The following BMPR2 variants were observed in gnomAD, a reference collection of about 807,000 sequenced individuals.
BMPR2 encodes bone morphogenetic protein receptor type-2.
In BMPR2, 29 loss-of-function variants were observed where a neutral mutation model predicts 100.8. The observed-to-expected ratio is 0.29, with a 90% confidence interval of 0.21 to 0.39. The LOEUF is 0.39. Ranked by LOEUF, BMPR2 falls within the 10% of genes least tolerant of loss-of-function variation. The probability of loss-of-function intolerance (pLI) is 1.00; values close to 1 mark genes in which losing one functional copy is unlikely to be tolerated. For synonymous variants in BMPR2, 382 were observed against 442.3 expected (o/e 0.86, Z 1.71); for missense variants, 1,011 against 1,274.5 (o/e 0.79, Z 3.15).
chr2:202,537,392 TAAAG>T (rs1220625993), intron 9 of BMPR2, among the ~76,000 whole-genome samples: 1 of 152,194 alleles, frequency 6.6e-6, no homozygotes, highest in Non-Finnish European at 1.5e-5. Flanking sequence ...TGATAAATAA[TAAAG>T]AATGATATTA....
chr2:202,380,482 G>A (rs940887513), intron 1 of BMPR2, among the ~76,000 whole-genome samples: 2 of 151,998 alleles, frequency 1.3e-5, no homozygotes, highest in Non-Finnish European at 2.9e-5. Context: ...ATTACCTGGG[G>A]TTCTTGATAA....
intron 1 of BMPR2, among the ~76,000 whole-genome samples, chr2:202,405,687 CAAAAA>C (rs397987374): frequency 5.0e-4 from 31 of 62,296 alleles, no homozygotes; most frequent in African/African-American, 1.3e-3. Flanking sequence ...GACTCCGCCT[CAAAAA>C]AAAAAAAAAA....
chr2:202,500,062 G>C (rs13002564), intron 3 of BMPR2, among the ~76,000 whole-genome samples: 498 of 152,288 alleles, frequency 3.3e-3, no homozygotes, highest in Admixed American at 5.8e-3. Context: ...GGGTCAGAAG[G>C]CCCAACCAGA....
Position 202,530,915 on chromosome 2 carries a change from G to T in BMPR2, c.1089G>T (p.Leu363=). Residue 363 remains leucine, a synonymous_variant, in exon 8 of 13, where the codon CTG becomes CTT. Transcript: ENST00000374580. ...GLSMRLTGNR[L]VRPGEEDNAA... is the part of the protein sequence containing the mutation. ...CCATGAGGCTGACTGGAAATAGACT[G>T]GTGCGCCCAGGGGAGGAAGATAATG... 6.2e-7 allele frequency: 1 copy of T among 1,614,114 alleles called. No individual in the cohort carries two copies. The highest frequency in any genetic ancestry group is 8.5e-7 in the Non-Finnish European group (1 of 1,180,012).
chr2:202,427,292 T>G lies in BMPR2; in HGVS notation c.77-37517T>G, dbSNP rs747648354. ...AGAGGATTGCTTAGGCCCGGGAGAT[T>G]GAGACCTCAGTGAGCTGAGATCGCG... On this transcript the variant is annotated intron_variant, in intron 1 of 12. Transcript: ENST00000374580. 8.8e-5 allele frequency among the ~76,000 whole-genome samples: 13 copies of G among 147,822 alleles called. No homozygotes were observed. The South Asian group carries it at 1.7e-3, about 19-fold the overall frequency.
intron 1 of BMPR2, among the ~76,000 whole-genome samples, chr2:202,394,364 GTAATAA>G (rs71031896): frequency 7.4e-5 from 11 of 149,612 alleles, no homozygotes; most frequent in East Asian, 1.9e-4. Context: ...AAAAAAAAAA[GTAATAA>G]TAATAATAAT....
At chr2:202,552,912 T>TC in intron 11 of BMPR2, 24 bp downstream of exon 11, 1 of 1,613,840 alleles carries the variant, frequency 6.2e-7, no homozygotes, top group Non-Finnish European at 8.5e-7. Flanking sequence ...GGGTGTGGCA[T>TC]CTATCAATCA....
At chr2:202,451,296 A>C (rs1691974826) in intron 1 of BMPR2, among the ~76,000 whole-genome samples, 2 of 152,342 alleles carry the variant, frequency 1.3e-5, no homozygotes, top group South Asian at 2.1e-4. Context: ...AACACGAATG[A>C]AAAATATTTA....
intron 10 of BMPR2, among the ~76,000 whole-genome samples, chr2:202,544,089 G>C (rs1194564486): frequency 6.6e-6 from 1 of 151,870 alleles, no homozygotes; most frequent in Non-Finnish European, 1.5e-5. Context: ...TTGCAGCGAG[G>C]CGAGATCGTG....
At chr2:202,378,939 G>A (rs909102764) in intron 1 of BMPR2, among the ~76,000 whole-genome samples, 1 of 152,086 alleles carries the variant, frequency 6.6e-6, no homozygotes, top group Admixed American at 6.6e-5. Flanking sequence ...AACCTTTTTA[G>A]AATATAGATT....
intron 3 of BMPR2, among the ~76,000 whole-genome samples, chr2:202,493,089 G>A (rs868060038): frequency 2.6e-4 from 39 of 152,168 alleles, no homozygotes; most frequent in African/African-American, 8.7e-4. Flanking sequence ...GAAAATTGAC[G>A]AGGGATCTTT....
chr2:202,393,463 T>A (rs868101681), intron 1 of BMPR2, among the ~76,000 whole-genome samples: 59 of 152,210 alleles, frequency 3.9e-4, no homozygotes, highest in Admixed American at 2.0e-3. Context: ...AATTTAAAAA[T>A]ATATATATTT....
chr2:202,557,913 C>T (rs1201280484), intron 12 of BMPR2, among the ~76,000 whole-genome samples: 16 of 152,054 alleles, frequency 1.1e-4, no homozygotes, highest in Admixed American at 1.0e-3. Context: ...CCAGTATAAT[C>T]TTTGAAACAT....
intron 3 of BMPR2, among the ~76,000 whole-genome samples, chr2:202,490,763 T>C (rs1199074907): frequency 6.6e-6 from 1 of 152,128 alleles, no homozygotes; most frequent in Non-Finnish European, 1.5e-5. Flanking sequence ...AGAGTAGGAT[T>C]AGGGAAAAGA....
chr2:202,483,884 GA>G (rs1020146530), intron 3 of BMPR2, among the ~76,000 whole-genome samples: 1 of 152,166 alleles, frequency 6.6e-6, no homozygotes, highest in African/African-American at 2.4e-5. Flanking sequence ...TTGATGCCAG[GA>G]ACTTGAGACC....
chr2:202,392,214 C>A (rs1017970791), intron 1 of BMPR2, among the ~76,000 whole-genome samples: 6 of 151,970 alleles, frequency 3.9e-5, no homozygotes, highest in African/African-American at 4.8e-5. Context: ...GGGATTAAAG[C>A]GCCTGCCATC....
intron 4 of BMPR2, among the ~76,000 whole-genome samples, chr2:202,514,195 G>T (rs1432353255): frequency 1.3e-5 from 2 of 152,004 alleles, no homozygotes. Context: ...GAGTGCAGTG[G>T]CGCGATCTCG....
In BMPR2 at chr2:202,564,473, A is replaced by C. The variant is rs563802676; in HGVS notation, c.*4527A>C. On this transcript the variant is annotated 3_prime_UTR_variant, in exon 13 of 13. Transcript: ENST00000374580. ...CCCCAGGAGACTTTTTCAGAATGCA[A>C]TGTTTCTAAATGTACTGTTACTGGC... The C allele has an allele frequency of 6.6e-6, 1 of 152,174 alleles. No individual in the cohort carries two copies. Among genetic ancestry groups the C allele is most frequent in the Admixed American group, 6.5e-5 (1 of 15,274 alleles). 9.4% of individuals were successfully genotyped at this position (152,174 alleles called of 1,614,324 possible).
At chr2:202,460,847 G>T (rs376355868) in intron 1 of BMPR2, among the ~76,000 whole-genome samples, 1 of 148,064 alleles carries the variant, frequency 6.8e-6, no homozygotes, top group East Asian at 2.0e-4. Context: ...AAGAGATAGG[G>T]TATCACTCTG....
Sources: gnomAD v4.1 joint callset for allele counts (sites outside exome capture counted in the v4.1 genomes callset) on GRCh38, gnomAD v4.1.1 for gene constraint, MANE v1.5 for transcripts, NCBI Gene and HGNC (gene_info 2026-07-23, HGNC 2026-07-21) for gene names.